Variants in PPM1H observed in about 807,000 individuals in gnomAD.
The protein encoded by PPM1H is protein phosphatase 1H.
A neutral mutation model predicts 54.9 loss-of-function variants in PPM1H; 27 were observed. The observed-to-expected ratio is 0.49, with a 90% CI of 0.36 to 0.68. The LOEUF is 0.68. Ranked by LOEUF, PPM1H falls within the 30% of genes least tolerant of loss-of-function variation. The pLI, the probability that PPM1H is intolerant of heterozygous loss-of-function variation, is 0.00. For missense variants in PPM1H, 596 were observed against 667.8 expected, an observed-to-expected ratio of 0.89 and a Z score of 1.19; for synonymous variants, 305 against 270.8, an observed-to-expected ratio of 1.13 and a Z score of -1.24.
intron 6 of PPM1H, among the ~76,000 whole-genome samples, chr12:62,715,639 T>C (rs1281721618): frequency 6.6e-6 from 1 of 152,080 alleles, no homozygotes; most frequent in Non-Finnish European, 1.5e-5. Flanking sequence ...AGACAAGCCT[T>C]CCCAGAGCTG....
intron 1 of PPM1H, among the ~76,000 whole-genome samples, chr12:62,845,372 C>T (rs1868924812): frequency 6.6e-6 from 1 of 152,214 alleles, no homozygotes; most frequent in Admixed American, 6.5e-5. Flanking sequence ...CCTATACCTC[C>T]ATCCTCTTCT....
chr12:62,706,325 G>A (rs1051203167), intron 6 of PPM1H, among the ~76,000 whole-genome samples: 11 of 152,074 alleles, frequency 7.2e-5, no homozygotes, highest in Admixed American at 3.9e-4. Context: ...TATTCAGGCC[G>A]CCAAGGCAAG....
At chr12:62,817,179 CT>C (rs2076874672) in intron 2 of PPM1H, among the ~76,000 whole-genome samples, 1 of 65,376 alleles carries the variant, frequency 1.5e-5, no homozygotes, top group African/African-American at 5.3e-5. Context: ...AAAAAAAAAA[CT>C]GGCCAGGCGC....
At chr12:62,722,522 T>C (rs2076269298) in intron 5 of PPM1H, among the ~76,000 whole-genome samples, 1 of 152,148 alleles carries the variant, frequency 6.6e-6, no homozygotes, top group Admixed American at 6.5e-5. Flanking sequence ...TTTGGGCCTT[T>C]AACCTACACA....
intron 1 of PPM1H, among the ~76,000 whole-genome samples, chr12:62,920,623 CAAAA>C (rs398055633): frequency 1.6e-5 from 2 of 121,564 alleles, no homozygotes; most frequent in Non-Finnish European, 1.8e-5. Flanking sequence ...CACCCGGCAT[CAAAA>C]AAAAAAAAAA....
chr12:62,791,047 T>C (rs1336927755), intron 3 of PPM1H, among the ~76,000 whole-genome samples: 1 of 152,196 alleles, frequency 6.6e-6, no homozygotes, highest in Admixed American at 6.5e-5. Context: ...GTTTAATAAA[T>C]ATCTGTTCAA....
intron 4 of PPM1H, chr12:62,755,480 G>A (rs2120590295): frequency 1.5e-6 from 1 of 681,054 alleles, no homozygotes; most frequent in South Asian, 1.5e-5. Flanking sequence ...TCCAAAATCA[G>A]ATGGGGCAAT....
At chr12:62,814,750 C>T (rs1025773142) in intron 2 of PPM1H, among the ~76,000 whole-genome samples, 13 of 152,156 alleles carry the variant, frequency 8.5e-5, no homozygotes, top group African/African-American at 2.7e-4. Context: ...GACATCTCAT[C>T]GTTGATTTTA....
At chr12:62,800,987 A>T (rs1292878996) in intron 3 of PPM1H, among the ~76,000 whole-genome samples, 1 of 152,186 alleles carries the variant, frequency 6.6e-6, no homozygotes, top group Non-Finnish European at 1.5e-5. Flanking sequence ...ACAAATCCAC[A>T]TGCCTGGGTA....
intron 1 of PPM1H, among the ~76,000 whole-genome samples, chr12:62,929,176 A>G (rs1290379684): frequency 6.6e-6 from 1 of 152,242 alleles, no homozygotes; most frequent in Non-Finnish European, 1.5e-5. Context: ...CAAAGAAAGT[A>G]CAAAAGGGGA....
chr12:62,688,037 C>T (rs1218353823), intron 8 of PPM1H, among the ~76,000 whole-genome samples: 6 of 149,854 alleles, frequency 4.0e-5, no homozygotes, highest in Admixed American at 1.3e-4. Context: ...AAACAAAAAA[C>T]CTTAATTACA....
At chr12:62,717,453 G>C (rs1462852224) in intron 6 of PPM1H, among the ~76,000 whole-genome samples, 1 of 133,582 alleles carries the variant, frequency 7.5e-6, no homozygotes, top group African/African-American at 2.8e-5. Context: ...TGCTAATGCA[G>C]AGAGAGAGAG....
chr12:62,745,355 C>G (rs1206583555), intron 4 of PPM1H, among the ~76,000 whole-genome samples: 1 of 152,162 alleles, frequency 6.6e-6, no homozygotes, highest in East Asian at 1.9e-4. Context: ...AGCCACCGCA[C>G]CTGGTTAACT....
intron 2 of PPM1H, among the ~76,000 whole-genome samples, chr12:62,823,191 T>C (rs563706608): frequency 4.6e-5 from 7 of 152,096 alleles, no homozygotes; most frequent in East Asian, 1.9e-4. Context: ...AAGACTAAAT[T>C]GGGAAGAAGT....
At chr12:62,819,009 C>A (rs567431564) in intron 2 of PPM1H, among the ~76,000 whole-genome samples, 1 of 151,756 alleles carries the variant, frequency 6.6e-6, no homozygotes, top group East Asian at 1.9e-4. Context: ...TCAGTAGAGA[C>A]GGGGTTTCAC....
At chr12:62,755,394 T>C in intron 4 of PPM1H, 1 of 749,380 alleles carries the variant, frequency 1.3e-6, no homozygotes, top group Non-Finnish European at 2.4e-6. Context: ...GCAAATTCCA[T>C]GGCACTGCCA....
chr12:62,804,339 G>T (rs114841080), intron 2 of PPM1H, among the ~76,000 whole-genome samples: 1 of 114,126 alleles, frequency 8.8e-6, no homozygotes, highest in Admixed American at 7.7e-5. Context: ...GGGTGACAGA[G>T]TGACCCTGTC....
chr12:62,911,809 C>A (rs1379119392), intron 1 of PPM1H, among the ~76,000 whole-genome samples: 1 of 152,216 alleles, frequency 6.6e-6, no homozygotes, highest in African/African-American at 2.4e-5. Context: ...CCACTGTCAT[C>A]TCCCCAAGAA....
chr12:62,692,125 C>T (rs966696295), intron 7 of PPM1H, among the ~76,000 whole-genome samples: 2 of 152,086 alleles, frequency 1.3e-5, no homozygotes, highest in Admixed American at 6.5e-5. Flanking sequence ...GAAATTTCTG[C>T]GTAGGGGTAC....
Sources: gnomAD v4.1 joint callset for allele counts (sites outside exome capture counted in the v4.1 genomes callset) on GRCh38, gnomAD v4.1.1 for gene constraint, MANE v1.5 for transcripts, NCBI Gene and HGNC (gene_info 2026-07-23, HGNC 2026-07-21) for gene names.